RAD21L1: variants seen among roughly 807,000 people sequenced by gnomAD.
The protein encoded by RAD21L1 is double-strand-break repair protein rad21-like protein 1.
Under a neutral mutation model 69.0 loss-of-function variants are expected in RAD21L1, and 47 were observed. That is an observed-to-expected ratio of 0.68 (90% CI 0.54 to 0.87). The LOEUF is 0.87. RAD21L1 is among the 40% of genes least tolerant of loss of function. The pLI is 0.00. For missense variants in RAD21L1, 583 were observed against 647.6 expected (o/e 0.90, Z 1.08); for synonymous variants, 177 against 205.8 (o/e 0.86, Z 1.20).
intron 13 of RAD21L1, among the ~76,000 whole-genome samples, chr20:1,249,392 T>G (rs2087781111): frequency 1.3e-5 from 2 of 152,196 alleles, no homozygotes; most frequent in African/African-American, 4.8e-5. Flanking sequence ...CAGGTTTGAT[T>G]GCGACAGGGA....
chr20:1,242,917 C>A, intron 9 of RAD21L1, 72 bp downstream of exon 9: 2 of 1,020,506 alleles, frequency 2.0e-6, no homozygotes, highest in Non-Finnish European at 2.9e-6. Flanking sequence ...TAAATAAACA[C>A]ATATTTACAT....
intron 13 of RAD21L1, among the ~76,000 whole-genome samples, chr20:1,254,005 C>G (rs902184873): frequency 6.6e-6 from 1 of 152,146 alleles, no homozygotes; most frequent in African/African-American, 2.4e-5. Context: ...TTTAAAAAGG[C>G]CTATCATTTG....
chr20:1,253,460 C>A (rs2087876405), intron 13 of RAD21L1, among the ~76,000 whole-genome samples: 2 of 152,174 alleles, frequency 1.3e-5, no homozygotes, highest in African/African-American at 4.8e-5. Context: ...CCATGCCCAG[C>A]TAATTTTTGT....
intron 10 of RAD21L1, among the ~76,000 whole-genome samples, chr20:1,243,479 A>C (rs1340386934): frequency 4.6e-5 from 7 of 152,194 alleles, no homozygotes; most frequent in Admixed American, 2.6e-4. Flanking sequence ...TCCCAAAGGC[A>C]TACTCAAAAA....
chr20:1,239,841 C>T (rs1309640291), intron 7 of RAD21L1, among the ~76,000 whole-genome samples: 1 of 152,096 alleles, frequency 6.6e-6, no homozygotes. Context: ...CAATTAGCCC[C>T]ATTTTTTATT....
intron 5 of RAD21L1, among the ~76,000 whole-genome samples, chr20:1,236,501 C>G (rs2087497508): frequency 6.6e-6 from 1 of 152,176 alleles, no homozygotes; most frequent in Admixed American, 6.5e-5. Context: ...TTTAGTTGTT[C>G]ACATTTCTGT....
At chr20:1,228,097 T>G (rs1008054418) in intron 1 of RAD21L1, among the ~76,000 whole-genome samples, 2 of 152,202 alleles carry the variant, frequency 1.3e-5, no homozygotes, top group African/African-American at 2.4e-5. Flanking sequence ...ATTTTCAGCC[T>G]TCCTCCTTTA....
intron 13 of RAD21L1, among the ~76,000 whole-genome samples, chr20:1,252,496 A>C (rs958313945): frequency 6.6e-6 from 1 of 151,944 alleles, no homozygotes; most frequent in Non-Finnish European, 1.5e-5. Context: ...GGTAAAGGAG[A>C]GGCTGGTTAT....
At chr20:1,243,226 G>A (rs1340002272) in intron 10 of RAD21L1, 30 bp downstream of exon 10, 1 of 1,153,562 alleles carries the variant, frequency 8.7e-7, no homozygotes, top group Admixed American at 3.0e-5. Context: ...TTGATGTTGA[G>A]GGGAATGCTG....
Position 1,254,735 on chromosome 20 carries a change from G to A in RAD21L1, c.*278G>A, listed in dbSNP as rs1405812000. Among the ~76,000 whole-genome samples the A allele has an allele frequency of 6.6e-6, 1 of 152,092 alleles. No homozygotes were observed. Among genetic ancestry groups the A allele is most frequent in the Admixed American group, 6.6e-5 (1 of 15,264 alleles). On this transcript the variant is annotated 3_prime_UTR_variant, in exon 14 of 14. Transcript: ENST00000683101. ...GGCTGGACTTGAACTCTGGGTTCAA[G>A]TGATTCTCCTGCCTCAGCCTCCTGA...
chr20:1,239,527 CTGTT>C, intron 7 of RAD21L1, 120 bp downstream of exon 7: 1 of 605,360 alleles, frequency 1.7e-6, no homozygotes, highest in South Asian at 2.1e-5. Context: ...CTTTCAGACT[CTGTT>C]AGTCTGACTG....
At chr20:1,238,295 T>C (rs1430879847) in intron 6 of RAD21L1, 81 bp downstream of exon 6, 2 of 1,020,994 alleles carry the variant, frequency 2.0e-6, no homozygotes, top group Non-Finnish European at 2.7e-6. Context: ...ATTATATCAA[T>C]CTAAAATTTC....
rs189343571 is a variant in RAD21L1 at position 1,238,721 on chromosome 20, T to C, written c.646+507T>C. On this transcript the variant is annotated intron_variant, in intron 6 of 13. Transcript: ENST00000683101. ...TATTGCCTTCTTTATTTTATCAGTTTTATTTGTTTTACTCTTAACATAGAC... is the reference window on the plus strand; with the variant it reads ...TATTGCCTTCTTTATTTTATCAGTTCTATTTGTTTTACTCTTAACATAGAC... 4.9e-3 allele frequency among the ~76,000 whole-genome samples: 739 copies of C among 152,270 alleles called. 15 individuals are homozygous for C. The highest frequency in any genetic ancestry group is 9.4e-4 in the Non-Finnish European group (64 of 68,028).
At position 1,245,349 on chromosome 20, in the gene RAD21L1, A is replaced by G. The variant is rs190757627; in HGVS notation, c.1309-864A>G. On this transcript the variant is annotated intron_variant, in intron 11 of 13. Coordinates refer to ENST00000683101, the MANE Select transcript of RAD21L1 (RefSeq NM_001384355.1). ...AATCTTCATAAAACAGAATTTTTAT[A>G]TACCATACCTGCAAAATTGAGAGTA... 3.0e-3 allele frequency among the ~76,000 whole-genome samples: 458 copies of G among 152,328 alleles called. 2 individuals are homozygous for G. The highest frequency in any genetic ancestry group is 0.01 in the African/African-American group (435 of 41,584).
intron 6 of RAD21L1, 60 bp downstream of exon 6, chr20:1,238,274 T>C: frequency 8.9e-7 from 1 of 1,123,926 alleles, no homozygotes; most frequent in Non-Finnish European, 1.2e-6. Flanking sequence ...CTACAATATA[T>C]TAGTAGATTT....
At position 1,229,895 on chromosome 20, in the gene RAD21L1, C is replaced by T. The variant is rs892210511; in HGVS notation, c.160C>T (p.Arg54Ter). 2.6e-6 allele frequency: 4 copies of T among 1,547,618 alleles called. No homozygotes were observed. The highest frequency in any genetic ancestry group is 3.5e-6 in the Non-Finnish European group (4 of 1,143,932). Reference protein sequence around the residue: ...ILSPKVKIALRTSGHLLLGVV... With the variant: ...ILSPKVKIAL ...TTATTGAAAGGTGAAAATAGCACTT[C>T]GAACTTCAGGACACCTTCTTTTGGG... The change falls in exon 3 of 14, where the codon CGA becomes TGA. Residue 54 changes from arginine (R) to a stop codon, truncating the protein, a stop_gained. Transcript: ENST00000683101. LOFTEE classifies it high-confidence loss of function.
intron 4 of RAD21L1, among the ~76,000 whole-genome samples, chr20:1,232,817 A>G (rs1419792547): frequency 6.6e-6 from 1 of 152,216 alleles, no homozygotes; most frequent in Non-Finnish European, 1.5e-5. Flanking sequence ...TGAAGCCAGA[A>G]TGACCTTTTA....
At position 1,254,269 on chromosome 20, in the gene RAD21L1, G is replaced by T; in HGVS notation, c.1480G>T (p.Glu494Ter). 1 of 1,477,930 alleles carries T rather than the reference G, an allele frequency of 6.8e-7. No homozygotes were observed. The allele number at this position is 1,477,930 out of a possible 1,614,324, so 91.6% of individuals were successfully genotyped here. A position where few individuals can be genotyped will look rare whatever the true frequency, so the allele number is the denominator to read the frequency against. The stretch of plus-strand genomic sequence containing the variant: ...TTTTCTTTTCTAATTATTTTCCCAG[G>T]AATCTAACAAGATGGGAATGCAGTC... ...RILQMLNRLRESNKMGMQSFS... is the reference protein window; with the variant it reads ...RILQMLNRLR Residue 494 changes from glutamate to a stop codon, truncating the protein, a stop_gained and splice_region_variant, in exon 14 of 14, where the codon GAA becomes TAA. Coordinates refer to ENST00000683101, the MANE Select transcript of RAD21L1 (RefSeq NM_001384355.1). LOFTEE classifies it high-confidence loss of function.
At chr20:1,231,960 G>A (rs1600216299) in intron 4 of RAD21L1, among the ~76,000 whole-genome samples, 1 of 152,138 alleles carries the variant, frequency 6.6e-6, no homozygotes, top group African/African-American at 2.4e-5. Context: ...ATTTGGGGTA[G>A]CTAATAAATA....
Sources: gnomAD v4.1 joint callset for allele counts (sites outside exome capture counted in the v4.1 genomes callset) on GRCh38, gnomAD v4.1.1 for gene constraint, MANE v1.5 for transcripts, NCBI Gene and HGNC (gene_info 2026-07-23, HGNC 2026-07-21) for gene names.